Variants in EEA1 observed in about 807,000 individuals in gnomAD.
EEA1 encodes early endosome antigen 1, 162kD.
EEA1 carries 111 observed loss-of-function variants against 209.2 expected under a neutral mutation model. The ratio of observed to expected loss-of-function variants is 0.53; its 90% CI spans 0.45 to 0.62. The LOEUF (loss-of-function observed/expected upper bound fraction) is 0.62. Ranked by LOEUF, EEA1 falls within the 20% of genes least tolerant of loss-of-function variation. EEA1 has a pLI of 0.00. For synonymous variants in EEA1, 536 were observed against 540.6 expected, an observed-to-expected ratio of 0.99 and a Z score of 0.12; for missense variants, 1,343 against 1,530.8, an observed-to-expected ratio of 0.88 and a Z score of 2.05.
intron 1 of EEA1, among the ~76,000 whole-genome samples, chr12:92,925,996 T>A (rs941407381): frequency 2.1e-4 from 28 of 134,194 alleles, no homozygotes; most frequent in African/African-American, 7.6e-4. Flanking sequence ...TGCCACATAA[T>A]TTTTTTTTTT....
At chr12:92,836,296 T>A (rs1241231303) in intron 10 of EEA1, among the ~76,000 whole-genome samples, 2 of 152,224 alleles carry the variant, frequency 1.3e-5, no homozygotes, top group African/African-American at 2.4e-5. Flanking sequence ...TAATCCTATG[T>A]TATAACCTAA....
chr12:92,818,075 G>A (rs1875877999), intron 14 of EEA1, among the ~76,000 whole-genome samples: 1 of 152,128 alleles, frequency 6.6e-6, no homozygotes, highest in Non-Finnish European at 1.5e-5. Flanking sequence ...ACTTGGCATT[G>A]AACAAAGCCT....
At chr12:92,886,891 G>T (rs143879815) in intron 2 of EEA1, among the ~76,000 whole-genome samples, 2,812 of 151,826 alleles carry the variant, frequency 0.019, 95 homozygotes, top group African/African-American at 0.063. Flanking sequence ...CCAGCTACTC[G>T]GGAGGCTGAG....
chr12:92,799,100 A>T lies in EEA1; in HGVS notation c.2773-14T>A. 1 of 1,563,290 alleles carries T rather than the reference A, an allele frequency of 6.4e-7. No homozygotes were observed. The highest frequency in any genetic ancestry group is 1.4e-5 in the African/African-American group (1 of 72,198). On this transcript the variant is annotated splice_polypyrimidine_tract_variant and intron_variant, in intron 20 of 28. Coordinates refer to ENST00000322349, the MANE Select transcript of EEA1 (RefSeq NM_003566.4). ...CTGATGAGAAGCCTGAAAGAAAAAA[A>T]AAATCTATTTAGCCTTCATTTGTTC...
intron 13 of EEA1, among the ~76,000 whole-genome samples, chr12:92,825,357 G>A (rs1199658037): frequency 3.3e-5 from 5 of 152,090 alleles, no homozygotes; most frequent in Non-Finnish European, 7.4e-5. Context: ...GGGAGGCTGA[G>A]GCAGGAGAAT....
At chr12:92,864,251 A>T (rs2136722862) in intron 3 of EEA1, among the ~76,000 whole-genome samples, 1 of 152,304 alleles carries the variant, frequency 6.6e-6, no homozygotes, top group East Asian at 1.9e-4. Context: ...AAGCATAAAA[A>T]TACTTTTTTA....
chr12:92,892,194 G>A (rs752536701), intron 1 of EEA1, among the ~76,000 whole-genome samples: 15 of 151,908 alleles, frequency 9.9e-5, no homozygotes, highest in Non-Finnish European at 1.6e-4. Context: ...AGGCTCAAGC[G>A]ATCCTCCTAT....
chr12:92,892,521 A>G (rs1392357419), intron 1 of EEA1, among the ~76,000 whole-genome samples: 1 of 150,398 alleles, frequency 6.6e-6, no homozygotes, highest in Non-Finnish European at 1.5e-5. Flanking sequence ...ACTAAAATGC[A>G]GATCTTCTGA....
At chr12:92,888,589 A>G (rs1879513591) in intron 2 of EEA1, among the ~76,000 whole-genome samples, 1 of 149,592 alleles carries the variant, frequency 6.7e-6, no homozygotes, top group Non-Finnish European at 1.5e-5. Context: ...AAAACAAACA[A>G]ACAAACAAAA....
chr12:92,852,926 G>T lies in EEA1; in HGVS notation c.506C>A (p.Ala169Asp). ...DLFEQKAAQL[A>D]TEIADIKSKY... ...ACTCAATTTACCTGCAATTTCAGTA[G>T]CAAGTTGGGCTGCTTTCTGTTCAAA... is the stretch of plus-strand genomic sequence containing the variant. Residue 169 changes from alanine to aspartate, a missense_variant, in exon 7 of 29, where the codon GCT (alanine) becomes GAT (aspartate). Transcript: ENST00000322349. 1 of 1,608,078 alleles carries T rather than the reference G, an allele frequency of 6.2e-7. No individual in the cohort carries two copies. Among genetic ancestry groups the T allele is most frequent in the Non-Finnish European group, 8.5e-7 (1 of 1,177,804 alleles).
intron 13 of EEA1, among the ~76,000 whole-genome samples, chr12:92,823,458 ACC>A (rs1265012075): frequency 6.6e-6 from 1 of 152,160 alleles, no homozygotes; most frequent in East Asian, 1.9e-4. Flanking sequence ...CCATCTTTGC[ACC>A]CCAGAAATAT....
At chr12:92,810,655 A>ATT (rs552406171) in intron 17 of EEA1, among the ~76,000 whole-genome samples, 3 of 146,672 alleles carry the variant, frequency 2.0e-5, no homozygotes, top group Admixed American at 6.8e-5. Context: ...ATTTTTAAAA[A>ATT]TTTTTTTTTT....
Position 92,773,266 on chromosome 12 carries a change from T to C in EEA1, c.*2745A>G, listed in dbSNP as rs903692507. ...AAATGTAAGGTTAAAAAAAAGTGGC[T>C]TTAAAGTTCTCAAAACTATATAAAA... On this transcript the variant is annotated 3_prime_UTR_variant, in exon 29 of 29. Coordinates refer to ENST00000322349, the MANE Select transcript of EEA1 (RefSeq NM_003566.4). 2 of 152,186 alleles carry C rather than the reference T, an allele frequency of 1.3e-5. No homozygotes were observed. Among genetic ancestry groups the C allele is most frequent in the Non-Finnish European group, 3.0e-5 (2 of 67,714 alleles). 9.4% of individuals were successfully genotyped at this position (152,186 alleles called of 1,614,324 possible). A position where few individuals can be genotyped will look rare whatever the true frequency, so the allele number is the denominator to read the frequency against.
At chr12:92,780,130 A>G (rs1873840688) in intron 24 of EEA1, 150 bp downstream of exon 24, 1 of 764,178 alleles carries the variant, frequency 1.3e-6, no homozygotes, top group Non-Finnish European at 2.0e-6. Flanking sequence ...ATACAAAAGC[A>G]CTCTGGCAAG....
chr12:92,802,567 G>A lies in EEA1; in HGVS notation c.2507C>T (p.Thr836Ile). The change falls in exon 19 of 29, where the codon ACA (threonine) becomes ATA (isoleucine). Residue 836 changes from threonine (T) to isoleucine (I), a missense_variant. By Grantham distance (89) the Thr-to-Ile change is moderately conservative. Around this residue, in one of 3 missense-constraint regions of EEA1, gnomAD observed 1,307 missense variants for 1,465.5 expected, o/e 0.89. Transcript: ENST00000322349. ...QHEELNNRIQ[T>I]TVTELQKVKM... is the part of the protein sequence containing the mutation. Reference sequence around the variant, plus strand: ...CACTTTTTGTAGTTCTGTTACTGTTGTTTGAATTCTGTTATTCAATTCCTC... The same window carrying A: ...CACTTTTTGTAGTTCTGTTACTGTTATTTGAATTCTGTTATTCAATTCCTC... 1.2e-6 allele frequency: 2 copies of A among 1,600,550 alleles called. No homozygotes were observed. The highest frequency in any genetic ancestry group is 8.5e-7 in the Non-Finnish European group (1 of 1,175,778).
Position 92,923,622 on chromosome 12 carries a change from A to C in EEA1, c.24+5421T>G, listed in dbSNP as rs370738110. On this transcript the variant is annotated intron_variant, in intron 1 of 28. Coordinates refer to ENST00000322349, the MANE Select transcript of EEA1 (RefSeq NM_003566.4). ...CCCTCCCCTACCACACCCCCTCTCC[A>C]CCACATAGTTACTTTTTCTTTTGTG... is the stretch of plus-strand genomic sequence containing the variant. Among the ~76,000 whole-genome samples the C allele has an allele frequency of 2.3e-3, 350 of 151,624 alleles. 3 individuals are homozygous for C. Among genetic ancestry groups the C allele is most frequent in the African/African-American group, 7.8e-3 (323 of 41,316 alleles).
intron 27 of EEA1, 136 bp downstream of exon 27, chr12:92,777,407 T>G: frequency 1.0e-6 from 1 of 972,742 alleles, no homozygotes; most frequent in Non-Finnish European, 1.5e-6. Context: ...CCACAAAACC[T>G]ACAATACTGC....
chr12:92,785,843 C>T (rs1197754837), intron 22 of EEA1, among the ~76,000 whole-genome samples: 3 of 152,128 alleles, frequency 2.0e-5, no homozygotes, highest in Non-Finnish European at 4.4e-5. Flanking sequence ...AGCCTTGTCC[C>T]TCAGCTTTCT....
rs567357078 is a variant in EEA1 at position 92,895,995 on chromosome 12, G to C, written c.25-4274C>G. ...ATTTTCTTTTTTTTTTTTTTCTTGA[G>C]ACGGACTTTTGCTCTGTCACCAGGC... On this transcript the variant is annotated intron_variant, in intron 1 of 28. Transcript: ENST00000322349. 2.9e-4 allele frequency among the ~76,000 whole-genome samples: 44 copies of C among 150,210 alleles called. No homozygotes were observed. The South Asian group carries it at 8.9e-3, about 30-fold the overall frequency.
Sources: allele counts gnomAD v4.1 joint callset (sites outside exome capture counted in the v4.1 genomes callset), GRCh38; gene constraint gnomAD v4.1.1; regional missense constraint gnomAD v4.1.1; transcripts MANE v1.5; gene names NCBI Gene and HGNC (gene_info 2026-07-23, HGNC 2026-07-21).